Variants in CACNA1H observed in about 807,000 individuals in gnomAD.
The protein encoded by CACNA1H is calcium voltage-gated channel subunit alpha1 H.
A neutral mutation model predicts 192.5 loss-of-function variants in CACNA1H; 149 were observed. The observed-to-expected ratio is 0.77, with a 90% CI of 0.68 to 0.89. CACNA1H has a LOEUF of 0.89. CACNA1H is among the 40% of genes least tolerant of loss of function. CACNA1H has a pLI of 0.00. For missense variants in CACNA1H, 4,257 were observed against 3,423.5 expected, an observed-to-expected ratio of 1.24 and a Z score of -6.08; for synonymous variants, 2,202 against 1,475.2, an observed-to-expected ratio of 1.49 and a Z score of -11.29.
chr16:1,186,454 GA>G (rs1201520331), intron 2 of CACNA1H, among the ~76,000 whole-genome samples: 1 of 152,092 alleles, frequency 6.6e-6, no homozygotes, highest in African/African-American at 2.4e-5. Context: ...GGCGTGGGGT[GA>G]ACGTCAAAGG....
At chr16:1,210,310 C>CT in intron 18 of CACNA1H, 60 bp from the exon 19 acceptor site, 1 of 1,431,860 alleles carries the variant, frequency 7.0e-7, no homozygotes, top group Non-Finnish European at 9.5e-7. Context: ...CCTGCAACCC[C>CT]CATCCACTCT....
intron 2 of CACNA1H, among the ~76,000 whole-genome samples, chr16:1,182,278 C>T (rs2151761023): frequency 6.6e-6 from 1 of 152,266 alleles, no homozygotes; most frequent in East Asian, 1.9e-4. Flanking sequence ...GCCAGGGCCG[C>T]TCTCTGTGGG....
intron 17 of CACNA1H, among the ~76,000 whole-genome samples, chr16:1,209,617 T>G (rs574731645): frequency 6.6e-6 from 1 of 152,202 alleles, no homozygotes; most frequent in Non-Finnish European, 1.5e-5. Flanking sequence ...CTCTGCCGTC[T>G]AGGGGCTGTG....
rs547911587 is a variant in CACNA1H, at chr16:1,154,273, A to G, written c.299+237A>G. ...CTCCCTTCCCCAGGGCCGGCTCCGGACGGAGAAGGTGGAAGCGAAGCGGTG... is the reference window on the plus strand; with the variant it reads ...CTCCCTTCCCCAGGGCCGGCTCCGGGCGGAGAAGGTGGAAGCGAAGCGGTG... On this transcript the variant is annotated intron_variant, in intron 2 of 34. Coordinates refer to ENST00000348261, the MANE Select transcript of CACNA1H (RefSeq NM_021098.3). Among the ~76,000 whole-genome samples, 3 of 151,808 alleles carry G rather than the reference A, an allele frequency of 2.0e-5. No homozygotes were observed. The South Asian group carries it at 6.3e-4, about 32-fold the overall frequency.
At chr16:1,157,805 TCAG>T (rs1962628269) in intron 2 of CACNA1H, 1 of 152,420 alleles carries the variant, frequency 6.6e-6, no homozygotes, top group East Asian at 1.9e-4. Context: ...TGGGGGTCAC[TCAG>T]CAGGGTGGGG....
intron 2 of CACNA1H, among the ~76,000 whole-genome samples, chr16:1,188,001 C>T (rs895895234): frequency 2.0e-5 from 3 of 152,234 alleles, no homozygotes; most frequent in African/African-American, 7.2e-5. Flanking sequence ...GATGGAGGGG[C>T]TTGTTTTGCA....
intron 9 of CACNA1H, among the ~76,000 whole-genome samples, chr16:1,203,415 G>A (rs1596416033): frequency 1.3e-5 from 2 of 152,212 alleles, no homozygotes; most frequent in South Asian, 4.1e-4. Context: ...GGATGGCACA[G>A]CCCAAGGCAG....
chr16:1,167,443 A>G lies in CACNA1H; in HGVS notation c.299+13407A>G, dbSNP rs1020751599. On this transcript the variant is annotated intron_variant, in intron 2 of 34. Coordinates refer to ENST00000348261, the MANE Select transcript of CACNA1H (RefSeq NM_021098.3). The surrounding 1 kb of genome is among the most constrained non-coding windows in gnomAD (Gnocchi z 4.2). ...TCCATCCGTCCTCTGGAGAATTTCA[A>G]CACCCACACTTGGAATAAAAAAAAA... 3.3e-5 allele frequency among the ~76,000 whole-genome samples: 5 copies of G among 152,062 alleles called. No homozygotes were observed. The highest frequency in any genetic ancestry group is 1.2e-4 in the African/African-American group (5 of 41,388).
At chr16:1,216,859 C>T (rs545421152) in intron 30 of CACNA1H, 73 bp from the exon 31 acceptor site, 40 of 1,250,564 alleles carry the variant, frequency 3.2e-5, no homozygotes, top group African/African-American at 2.1e-4. Context: ...GCCGAGGCGC[C>T]GAGTGCCCTG....
rs918125661 is a variant in CACNA1H at position 1,221,659 on chromosome 16, G to A, written c.*665G>A. The A allele has an allele frequency of 2.0e-5, 21 of 1,026,600 alleles. No homozygotes were observed. The highest frequency in any genetic ancestry group is 4.9e-5 in the African/African-American group (3 of 61,608). The allele number at this position is 1,026,600 out of a possible 1,614,324, so 63.6% of individuals were successfully genotyped here. ...AGATTCCCATTGACACCTTTGTTTC[G>A]TGTGCTTTTAAATTCAGGTTAAATG... On this transcript the variant is annotated 3_prime_UTR_variant, in exon 35 of 35. Coordinates refer to ENST00000348261, the MANE Select transcript of CACNA1H (RefSeq NM_021098.3).
Position 1,153,594 on chromosome 16 carries a change from G to A in CACNA1H, c.-19+124G>A, listed in dbSNP as rs1056987037. On this transcript the variant is annotated intron_variant, in intron 1 of 34. Transcript: ENST00000348261. The stretch of plus-strand genomic sequence containing the variant: ...GAGGGGGCGGGCGGGGGCGGGGGGC[G>A]CGTTTGTCTCTAATAAGAAAAGACA... 8 of 474,264 alleles carry A rather than the reference G, an allele frequency of 1.7e-5. No individual in the cohort carries two copies. The East Asian group carries it at 3.4e-4, about 20-fold the overall frequency. The allele number at this position is 474,264 out of a possible 1,614,324, so 29.4% of individuals were successfully genotyped here.
At chr16:1,208,275 G>A (rs1001559313) in intron 16 of CACNA1H, 54 bp downstream of exon 16, 9 of 1,260,528 alleles carry the variant, frequency 7.1e-6, no homozygotes, top group Non-Finnish European at 1.0e-5. Context: ...TTCCCTGCCT[G>A]GCTCCTTATG....
chr16:1,205,474 C>T (rs1008726488), intron 11 of CACNA1H, among the ~76,000 whole-genome samples: 3 of 152,226 alleles, frequency 2.0e-5, no homozygotes, highest in East Asian at 1.9e-4. Context: ...TGCTTCCCTG[C>T]AGGCACTACG....
At position 1,196,037 on chromosome 16, in the gene CACNA1H, C is replaced by T. The variant is rs775579521; in HGVS notation, c.643+14C>T. The T allele has an allele frequency of 3.1e-6, 5 of 1,603,904 alleles. No individual in the cohort carries two copies. The Admixed American group carries it at 5.0e-5, about 16-fold the overall frequency. The stretch of plus-strand genomic sequence containing the variant: ...ACCGCGTGCCTAGTAAGTGACCGGC[C>T]CCGACTGGGCTTGAGATCAACAGGC... On this transcript the variant is annotated intron_variant, in intron 5 of 34. Transcript: ENST00000348261.
intron 2 of CACNA1H, among the ~76,000 whole-genome samples, chr16:1,163,557 T>C (rs2151664666): frequency 6.6e-6 from 1 of 152,316 alleles, no homozygotes; most frequent in African/African-American, 2.4e-5. Context: ...AGGGTCTCTC[T>C]CAGGGCCACA....
intron 34 of CACNA1H, among the ~76,000 whole-genome samples, chr16:1,219,531 G>C (rs1333360212): frequency 2.0e-5 from 3 of 152,200 alleles, no homozygotes; most frequent in African/African-American, 4.8e-5. Flanking sequence ...GGCTTTTTCA[G>C]TCCTGGCTTG....
Position 1,221,467 on chromosome 16 carries a change from C to A in CACNA1H, c.*473C>A. 1 of 359,806 alleles carries A rather than the reference C, an allele frequency of 2.8e-6. No individual in the cohort carries two copies. The allele number at this position is 359,806 out of a possible 1,614,324, so 22.3% of individuals were successfully genotyped here. A position where few individuals can be genotyped will look rare whatever the true frequency, so the allele number is the denominator to read the frequency against. On this transcript the variant is annotated 3_prime_UTR_variant, in exon 35 of 35. Transcript: ENST00000348261. ...TCTTGTCCGCCTGTCACGCCCTCACCACCCTCCCCTTCCAGCCACCACCCT... is the reference window on the plus strand; with the variant it reads ...TCTTGTCCGCCTGTCACGCCCTCACAACCCTCCCCTTCCAGCCACCACCCT...
At chr16:1,211,046 CG>C in intron 21 of CACNA1H, 75 bp downstream of exon 21, 1 of 1,553,370 alleles carries the variant, frequency 6.4e-7, no homozygotes, top group Non-Finnish European at 8.7e-7. Context: ...TTACTCCTCC[CG>C]CAGTCCTGGG....
Position 1,211,491 on chromosome 16 carries a change from G to T in CACNA1H, c.4361G>T (p.Gly1454Val). The T allele has an allele frequency of 6.2e-7, 1 of 1,612,466 alleles. No individual in the cohort carries two copies. Among genetic ancestry groups the T allele is most frequent in the Non-Finnish European group, 8.5e-7 (1 of 1,179,714 alleles). The change falls in exon 23 of 35, where the codon GGG becomes GTG. Residue 1454 changes from glycine (G) to valine (V), a missense_variant. Transcript: ENST00000348261. ...FGILGVQLFK[G>V]KFYYCEGPDT... ...GTCGCACCCCGTCAGCTCTTCAAAG[G>T]GAAGTTCTACTACTGCGAGGGCCCC...
Sources: gnomAD v4.1 joint callset for allele counts (sites outside exome capture counted in the v4.1 genomes callset) on GRCh38, gnomAD v4.1.1 for gene constraint, Gnocchi (gnomAD v3.1) non-coding constraint, MANE v1.5 for transcripts, NCBI Gene and HGNC (gene_info 2026-07-23, HGNC 2026-07-21) for gene names.